Variants in SDK1 observed in about 807,000 individuals in gnomAD.
SDK1 encodes the protein protein sidekick-1.
A neutral mutation model predicts 245.5 loss-of-function variants in SDK1; 157 were observed. That is an observed-to-expected ratio of 0.64 (90% CI 0.56 to 0.73). SDK1 has a LOEUF of 0.73. SDK1 is among the 30% of genes least tolerant of loss of function. The pLI is 0.00. For synonymous variants in SDK1, 1,647 were observed against 1,278.5 expected (o/e 1.29, Z -6.15); for missense variants, 3,583 against 3,002.3 (o/e 1.19, Z -4.52).
intron 4 of SDK1, among the ~76,000 whole-genome samples, chr7:3,722,768 C>T (rs1230798506): frequency 6.6e-6 from 1 of 152,202 alleles, no homozygotes; most frequent in East Asian, 1.9e-4. Context: ...TGGCTCAGCA[C>T]CGCCCTCTGT....
chr7:3,901,178 CT>C (rs894588158), intron 5 of SDK1, among the ~76,000 whole-genome samples: 1 of 151,108 alleles, frequency 6.6e-6, no homozygotes, highest in Non-Finnish European at 1.5e-5. Flanking sequence ...AGTTAACTGT[CT>C]TTTTTTTTCT....
intron 5 of SDK1, among the ~76,000 whole-genome samples, chr7:3,872,972 G>A (rs1310576995): frequency 6.6e-6 from 1 of 152,008 alleles, no homozygotes; most frequent in East Asian, 1.9e-4. Context: ...TAACCAGTCA[G>A]TAATCTTTTA....
rs543503569 is a variant in SDK1, at chr7:3,877,896, C to A, written c.847+56313C>A. Among the ~76,000 whole-genome samples, 9 of 148,172 alleles carry A rather than the reference C, an allele frequency of 6.1e-5. No homozygotes were observed. In the South Asian group the frequency reaches 1.5e-3, roughly 24 times the overall value. ...TGGAATTTAGGTTACTTGCAGTGAA[C>A]TGCAGTGAACTGCCTTACACATAAG... On this transcript the variant is annotated intron_variant, in intron 5 of 44. Coordinates refer to ENST00000404826, the MANE Select transcript of SDK1 (RefSeq NM_152744.4).
chr7:3,705,366 C>T (rs1052322425), intron 4 of SDK1, among the ~76,000 whole-genome samples: 5 of 150,444 alleles, frequency 3.3e-5, no homozygotes, highest in African/African-American at 1.2e-4. Context: ...TTTTTTTCAG[C>T]AGTGGTTTGT....
chr7:3,343,241 A>C (rs902079164), intron 1 of SDK1, among the ~76,000 whole-genome samples: 2 of 152,198 alleles, frequency 1.3e-5, no homozygotes, highest in Non-Finnish European at 2.9e-5. Flanking sequence ...CTTTATTTAT[A>C]ATAAATACCC....
chr7:3,661,910 G>A (rs1173912376), intron 4 of SDK1, among the ~76,000 whole-genome samples: 11 of 152,060 alleles, frequency 7.2e-5, no homozygotes, highest in Non-Finnish European at 5.9e-5. Context: ...GTTTAAGCAC[G>A]TGCAACTCTA....
chr7:3,887,867 TCCGC>T (rs1781373400), intron 5 of SDK1, among the ~76,000 whole-genome samples: 1 of 152,212 alleles, frequency 6.6e-6, no homozygotes, highest in South Asian at 2.1e-4. Context: ...AATATTTCTT[TCCGC>T]CTTAGCAACT....
chr7:4,017,297 C>T lies in SDK1; in HGVS notation c.2547C>T (p.Asn849=), dbSNP rs376404717. 67 of 1,613,822 alleles carry T rather than the reference C, an allele frequency of 4.2e-5. No homozygotes were observed. The highest frequency in any genetic ancestry group is 6.6e-5 in the South Asian group (6 of 91,056). The part of the protein sequence containing the change: ...TQYEIQVAAY[N]GAGLGVFSRA... ...ATGAGATACAGGTGGCGGCGTACAA[C>T]GGGGCCGGTCTGGGCGTCTTCAGCA... Residue 849 remains asparagine, a synonymous_variant, in exon 17 of 45, where the codon AAC becomes AAT. Transcript: ENST00000404826.
At chr7:3,957,529 ATGT>A (rs956095032) in intron 7 of SDK1, among the ~76,000 whole-genome samples, 1 of 152,134 alleles carries the variant, frequency 6.6e-6, no homozygotes, top group Non-Finnish European at 1.5e-5. Flanking sequence ...TCATAAGCAA[ATGT>A]TGTTGTCGAA....
rs531327105 is a variant in SDK1 at position 3,465,105 on chromosome 7, T to G, written c.299-153975T>G. On this transcript the variant is annotated intron_variant, in intron 1 of 44. Transcript: ENST00000404826. ...GGTGGGGCTAATCCGTAAGTGAGAT[T>G]ACCGTTAGGGAGCTCCTTGACGCAA... Among the ~76,000 whole-genome samples the G allele has an allele frequency of 2.0e-5, 3 of 152,252 alleles. No homozygotes were observed. The South Asian group carries it at 6.2e-4, about 32-fold the overall frequency.
chr7:3,792,114 C>G (rs1204850605), intron 4 of SDK1, among the ~76,000 whole-genome samples: 1 of 151,992 alleles, frequency 6.6e-6, no homozygotes, highest in Non-Finnish European at 1.5e-5. Context: ...GGCAACAGGA[C>G]GAGACCCCCT....
intron 13 of SDK1, among the ~76,000 whole-genome samples, chr7:3,980,927 G>A (rs930643743): frequency 1.4e-5 from 2 of 147,596 alleles, no homozygotes; most frequent in Non-Finnish European, 1.5e-5. Flanking sequence ...GCTACAGAGC[G>A]AGACTCCATC....
In SDK1 at chr7:3,472,147, C is replaced by T. The variant is rs77681966; in HGVS notation, c.299-146933C>T. Among the ~76,000 whole-genome samples, 399 of 152,132 alleles carry T rather than the reference C, an allele frequency of 2.6e-3. 2 individuals are homozygous for T. Among genetic ancestry groups the T allele is most frequent in the Non-Finnish European group, 4.7e-3 (321 of 68,000 alleles). ...TTGTGGGTTGGTAAATGCATAGTTC[C>T]CTCCATTACTTTTTCATGGCTGAAG... On this transcript the variant is annotated intron_variant, in intron 1 of 44. Coordinates refer to ENST00000404826, the MANE Select transcript of SDK1 (RefSeq NM_152744.4).
chr7:4,113,463 C>T (rs756462014), intron 24 of SDK1, 24 bp downstream of exon 24: 3 of 1,611,904 alleles, frequency 1.9e-6, no homozygotes, highest in Admixed American at 3.3e-5. Flanking sequence ...AGAAGGGAGG[C>T]TGGAGGCACA....
chr7:3,814,525 A>G (rs534590672), intron 4 of SDK1, among the ~76,000 whole-genome samples: 1,672 of 151,762 alleles, frequency 0.011, 26 homozygotes, highest in African/African-American at 0.039. Flanking sequence ...GCCTTGTAGT[A>G]TAGTTTGAAG....
chr7:3,676,734 A>G (rs980627643), intron 4 of SDK1, among the ~76,000 whole-genome samples: 4 of 152,220 alleles, frequency 2.6e-5, no homozygotes, highest in African/African-American at 9.6e-5. Flanking sequence ...TCTTCTGCAT[A>G]TGGATATCCC....
chr7:3,349,212 C>A (rs921610443), intron 1 of SDK1, among the ~76,000 whole-genome samples: 20 of 151,748 alleles, frequency 1.3e-4, no homozygotes, highest in Non-Finnish European at 2.4e-4. Flanking sequence ...AAAAAAAACA[C>A]AACAAAACAA....
Position 3,850,224 on chromosome 7 carries a change from CCTT to C in SDK1, c.847+28647_847+28649del, listed in dbSNP as rs1333218042. Among the ~76,000 whole-genome samples, 6 of 152,346 alleles carry C rather than the reference CCTT, an allele frequency of 3.9e-5. No individual in the cohort carries two copies. In the South Asian group the frequency reaches 8.3e-4, roughly 21 times the overall value. ...CACATGGCTTTGGCAAGCTAAGAAG[CCTT>C]CTTCTCTGCATCCAATCCTCATCTG... On this transcript the variant is annotated intron_variant, in intron 5 of 44. Transcript: ENST00000404826.
At chr7:3,495,410 C>T (rs192219293) in intron 1 of SDK1, among the ~76,000 whole-genome samples, 46 of 151,692 alleles carry the variant, frequency 3.0e-4, no homozygotes, top group South Asian at 1.7e-3. Flanking sequence ...GCCTGTGTGA[C>T]GCCACACTGG....
Sources: gnomAD v4.1 joint callset for allele counts (sites outside exome capture counted in the v4.1 genomes callset) on GRCh38, gnomAD v4.1.1 for gene constraint, MANE v1.5 for transcripts, NCBI Gene and HGNC (gene_info 2026-07-23, HGNC 2026-07-21) for gene names.